DLG4: variants seen among roughly 807,000 people sequenced by gnomAD.
DLG4 encodes the protein discs large MAGUK scaffold protein 4.
In DLG4, 7 loss-of-function variants were observed where a neutral mutation model predicts 93.8. The ratio of observed to expected loss-of-function variants is 0.07; its 90% CI spans 0.04 to 0.14. The LOEUF (loss-of-function observed/expected upper bound fraction) is 0.14. DLG4 is among the 10% of genes least tolerant of loss of function. DLG4 has a pLI of 1.00. For missense variants in DLG4, 545 were observed against 992.9 expected (o/e 0.55, Z 6.06); for synonymous variants, 341 against 387.6 (o/e 0.88, Z 1.41).
rs568451599 is a variant in DLG4, at chr17:7,193,386, G to A, written c.1693+97C>T. ...GAAACCCTGTATCTCCCTACACACC[G>A]ATCCCCCAGGAGGCTCTGCCTATGG... On this transcript the variant is annotated intron_variant, in intron 16 of 19. Transcript: ENST00000399506. The surrounding 1 kb of genome is among the most constrained non-coding windows in gnomAD (Gnocchi z 6.7). The A allele has an allele frequency of 1.5e-5, 18 of 1,222,210 alleles. No homozygotes were observed. The East Asian group carries it at 2.1e-4, about 14-fold the overall frequency. The allele number at this position is 1,222,210 out of a possible 1,614,324, so 75.7% of individuals were successfully genotyped here.
At position 7,203,455 on chromosome 17, in the gene DLG4, G is replaced by C. The variant is rs964002571; in HGVS notation, c.474C>G (p.Val158=). 2 of 1,611,738 alleles carry C rather than the reference G, an allele frequency of 1.2e-6. No homozygotes were observed. Among genetic ancestry groups the C allele is most frequent in the Admixed American group, 3.3e-5 (2 of 59,986 alleles). Residue 158 remains valine, a synonymous_variant, in exon 6 of 20, where the codon GTC becomes GTG. Transcript: ENST00000399506. The surrounding 1 kb of genome is among the most constrained non-coding windows in gnomAD (Gnocchi z 7.2). The part of the protein sequence containing the change: ...VMRRKPPAEK[V]MEIKLIKGPK... The stretch of plus-strand genomic sequence containing the variant: ...GCCCCTTGATGAGCTTGATCTCCAT[G>C]ACCTTCTCAGCCGGGGGCTTCCGGC...
chr17:7,211,672 T>A (rs749379228), intron 1 of DLG4: 13 of 970,958 alleles, frequency 1.3e-5, no homozygotes, highest in Non-Finnish European at 3.6e-6. Context: ...CAGAGACACA[T>A]GGAGGCGAAT....
intron 8 of DLG4, chr17:7,202,645 C>A: frequency 1.9e-6 from 1 of 531,430 alleles, no homozygotes; most frequent in Non-Finnish European, 3.4e-6. Context: ...ATTATCTATT[C>A]CTTGAGAATT....
rs2142836921 is a variant in DLG4 at position 7,195,349 on chromosome 17, G to A, written c.1302-854C>T. Among the ~76,000 whole-genome samples the A allele has an allele frequency of 6.6e-6, 1 of 152,308 alleles. No homozygotes were observed. The highest frequency in any genetic ancestry group is 2.4e-5 in the African/African-American group (1 of 41,556). On this transcript the variant is annotated intron_variant, in intron 11 of 19. Transcript: ENST00000399506. This position sits in a 1 kb window ranked among gnomAD's most constrained non-coding sequence, Gnocchi z 4.3. ...TACACAACCTCTGTGGTCACTGGGA[G>A]TCAGAACAACCTTGGGGACCAACCG...
At position 7,188,837 on chromosome 17, in the gene DLG4, C is replaced by T. The variant is rs1174161784; in HGVS notation, c.*1871G>A. On this transcript the variant is annotated 3_prime_UTR_variant, in exon 20 of 20. Transcript: ENST00000399506. ...ATAGAGATAGGACATAAAGGCTGGG[C>T]GTAGTGGCTCATGCCTGTAATCTTA... 1.3e-5 allele frequency among the ~76,000 whole-genome samples: 2 copies of T among 152,062 alleles called. No homozygotes were observed. The highest frequency in any genetic ancestry group is 6.6e-5 in the Admixed American group (1 of 15,240).
chr17:7,199,843 G>C (rs1256624383), intron 8 of DLG4, among the ~76,000 whole-genome samples: 2 of 151,898 alleles, frequency 1.3e-5, no homozygotes, highest in Non-Finnish European at 2.9e-5. Flanking sequence ...AGCCAGGCGT[G>C]GTGGTGGGCA....
At chr17:7,204,287 A>G in intron 2 of DLG4, 35 bp from the exon 3 acceptor site, 1 of 1,549,930 alleles carries the variant, frequency 6.5e-7, no homozygotes, top group Non-Finnish European at 8.7e-7. Context: ...AAGCAGCCTG[A>G]GCCTTGACTC....
At position 7,190,782 on chromosome 17, in the gene DLG4, A is replaced by G. The variant is rs1323704761; in HGVS notation, c.2101T>C (p.Tyr701His). The change falls in exon 20 of 20, where the codon TAC (tyrosine) becomes CAC (histidine). Residue 701 changes from tyrosine to histidine, a missense_variant. Tyr to His is a moderately conservative substitution (Grantham distance 83). Transcript: ENST00000399506. ...TCGATGACACGCTTCACCTTGTGGT[A>G]GATCTCCTCAAAGCTGTCACCCTCC... Reference protein sequence around the residue: ...IVEGDSFEEIYHKVKRVIEDL... With the variant: ...IVEGDSFEEIHHKVKRVIEDL... 1 of 1,613,094 alleles carries G rather than the reference A, an allele frequency of 6.2e-7. No individual in the cohort carries two copies. Among genetic ancestry groups the G allele is most frequent in the East Asian group, 2.2e-5 (1 of 44,838 alleles).
In DLG4 at chr17:7,191,874, C is replaced by T; in HGVS notation, c.1976+19G>A. On this transcript the variant is annotated intron_variant, in intron 18 of 19. Coordinates refer to ENST00000399506, the MANE Select transcript of DLG4 (RefSeq NM_001321075.3). The surrounding 1 kb of genome is among the most constrained non-coding windows in gnomAD (Gnocchi z 6.6). ...AGGTGTTGGGGGAGCAAAGGGGAGG[C>T]CCCCAGGACCATACTCACAGCACAT... is the stretch of plus-strand genomic sequence containing the variant. 1 of 1,424,682 alleles carries T rather than the reference C, an allele frequency of 7.0e-7. No homozygotes were observed. Among genetic ancestry groups the T allele is most frequent in the Non-Finnish European group, 9.3e-7 (1 of 1,079,352 alleles). The allele number at this position is 1,424,682 out of a possible 1,614,324, so 88.3% of individuals were successfully genotyped here. A position where few individuals can be genotyped will look rare whatever the true frequency, so the allele number is the denominator to read the frequency against.
intron 8 of DLG4, 66 bp from the exon 9 acceptor site, chr17:7,197,118 C>T (rs1014794902): frequency 6.8e-7 from 1 of 1,474,762 alleles, no homozygotes; most frequent in African/African-American, 1.4e-5. Context: ...CAACCTTCTC[C>T]CCAGGGTGCC....
At chr17:7,205,466 G>A (rs1567544292) in intron 2 of DLG4, among the ~76,000 whole-genome samples, 3 of 152,102 alleles carry the variant, frequency 2.0e-5, no homozygotes, top group African/African-American at 2.4e-5. Flanking sequence ...ATTTGCAGTC[G>A]CCCAAGCGCA....
chr17:7,196,128 G>C lies in DLG4; in HGVS notation c.1301+92C>G, dbSNP rs1166126835. On this transcript the variant is annotated intron_variant, in intron 11 of 19. Transcript: ENST00000399506. This position sits in a 1 kb window ranked among gnomAD's most constrained non-coding sequence, Gnocchi z 8.3. Reference sequence around the variant, plus strand: ...TGGGGTGGGGAGCTAGAGCAGGCAGGGTGGAGAAGAGGAGCGGCTGAGGCC... The same window carrying C: ...TGGGGTGGGGAGCTAGAGCAGGCAGCGTGGAGAAGAGGAGCGGCTGAGGCC... The C allele has an allele frequency of 3.3e-6, 3 of 914,254 alleles. No homozygotes were observed. The highest frequency in any genetic ancestry group is 2.6e-5 in the East Asian group (1 of 38,664). 56.6% of individuals were successfully genotyped at this position (914,254 alleles called of 1,614,324 possible). A position where few individuals can be genotyped will look rare whatever the true frequency, so the allele number is the denominator to read the frequency against.
Position 7,191,527 on chromosome 17 carries a change from C to A in DLG4, c.1977-169G>T. Reference sequence around the variant, plus strand: ...ACAGATGAGAACCACCCCCCACCCCCCTGCCACCCGCAACCGCCCCAGCCA... The same window carrying A: ...ACAGATGAGAACCACCCCCCACCCCACTGCCACCCGCAACCGCCCCAGCCA... On this transcript the variant is annotated intron_variant, in intron 18 of 19. Coordinates refer to ENST00000399506, the MANE Select transcript of DLG4 (RefSeq NM_001321075.3). This position sits in a 1 kb window ranked among gnomAD's most constrained non-coding sequence, Gnocchi z 6.6. The A allele has an allele frequency of 3.1e-6, 2 of 650,328 alleles. No individual in the cohort carries two copies. Among genetic ancestry groups the A allele is most frequent in the Non-Finnish European group, 5.3e-6 (2 of 374,026 alleles). The allele number at this position is 650,328 out of a possible 1,614,324, so 40.3% of individuals were successfully genotyped here.
At position 7,194,300 on chromosome 17, in the gene DLG4, C is replaced by T; in HGVS notation, c.1478+19G>A. On this transcript the variant is annotated intron_variant, in intron 12 of 19. Coordinates refer to ENST00000399506, the MANE Select transcript of DLG4 (RefSeq NM_001321075.3). The surrounding 1 kb of genome is among the most constrained non-coding windows in gnomAD (Gnocchi z 4.4). ...TTCAGTGCCTGTGGCAGGAAGGCTA[C>T]AGAGCCCAGGAGCCTCACCGCCGTT... The T allele has an allele frequency of 6.3e-7, 1 of 1,594,624 alleles. No individual in the cohort carries two copies. The highest frequency in any genetic ancestry group is 8.5e-7 in the Non-Finnish European group (1 of 1,171,508).
At chr17:7,205,354 A>G (rs1005916226) in intron 2 of DLG4, among the ~76,000 whole-genome samples, 6 of 152,170 alleles carry the variant, frequency 3.9e-5, no homozygotes, top group African/African-American at 1.4e-4. Context: ...GGCTTCCCCA[A>G]TTGCCAGGGC....
At chr17:7,218,662 G>T, upstream of DLG4, 1 of 1,554,454 alleles carries the variant, frequency 6.4e-7, no homozygotes, top group South Asian at 1.2e-5. Flanking sequence ...AAGGAGAATT[G>T]GGACAGGGAA....
upstream of DLG4, chr17:7,219,066 G>A (rs1340145544): frequency 1.7e-6 from 1 of 605,322 alleles, no homozygotes; most frequent in Non-Finnish European, 2.9e-6. Context: ...ACGCTCTCCT[G>A]AGAAGCCAGC....
upstream of DLG4, chr17:7,217,723 G>A: frequency 6.5e-7 from 1 of 1,535,136 alleles, no homozygotes; most frequent in South Asian, 1.2e-5. Flanking sequence ...CAGGAACCCG[G>A]ATAATGGGAA....
In DLG4 at chr17:7,203,753, G is replaced by T; in HGVS notation, c.274C>A (p.Pro92Thr). ...ATGATCTTGGTGATGAAAATGGATG[G>T]GTCGTCACCGATGTGTGGGTTGTCA... Reference protein sequence around the residue: ...GTDNPHIGDDPSIFITKIIPG... With the variant: ...GTDNPHIGDDTSIFITKIIPG... The change falls in exon 5 of 20, where the codon CCA (proline) becomes ACA (threonine). Residue 92 changes from proline (P) to threonine (T), a missense_variant. By Grantham distance (38) the Pro-to-Thr change is conservative. This residue lies in a region of DLG4 where 33 missense variants were observed against 107.5 expected (regional missense o/e 0.31). Coordinates refer to ENST00000399506, the MANE Select transcript of DLG4 (RefSeq NM_001321075.3). This position sits in a 1 kb window ranked among gnomAD's most constrained non-coding sequence, Gnocchi z 7.2. The T allele has an allele frequency of 6.2e-7, 1 of 1,613,408 alleles. No homozygotes were observed. Among genetic ancestry groups the T allele is most frequent in the Non-Finnish European group, 8.5e-7 (1 of 1,179,734 alleles).
Sources: allele counts gnomAD v4.1 joint callset (sites outside exome capture counted in the v4.1 genomes callset), GRCh38; gene constraint gnomAD v4.1.1; regional missense constraint gnomAD v4.1.1; non-coding constraint Gnocchi (gnomAD v3.1); transcripts MANE v1.5; gene names NCBI Gene and HGNC (gene_info 2026-07-23, HGNC 2026-07-21).